RBM19: variants seen among roughly 807,000 people sequenced by gnomAD.
RBM19 encodes the protein probable RNA-binding protein 19.
In RBM19, 94 loss-of-function variants were observed where a neutral mutation model predicts 116.8. The observed-to-expected ratio is 0.80, with a 90% CI of 0.68 to 0.95. RBM19 has a LOEUF of 0.95. Among genes scored for constraint, RBM19 ranks in the 40% least tolerant of loss-of-function variants. The probability of loss-of-function intolerance (pLI) is 0.00; values close to 1 mark genes in which losing one functional copy is unlikely to be tolerated. For missense variants in RBM19, 1,161 were observed against 1,220.7 expected, an observed-to-expected ratio of 0.95 and a Z score of 0.73; for synonymous variants, 475 against 494.1, an observed-to-expected ratio of 0.96 and a Z score of 0.51.
intron 21 of RBM19, among the ~76,000 whole-genome samples, chr12:113,889,691 G>T (rs1375641299): frequency 6.6e-6 from 1 of 150,744 alleles, no homozygotes; most frequent in Non-Finnish European, 1.5e-5. Context: ...AAAACAAAAA[G>T]ACCCCAAAAC....
chr12:113,897,865 T>C (rs895476571), intron 21 of RBM19, among the ~76,000 whole-genome samples: 2 of 152,180 alleles, frequency 1.3e-5, no homozygotes, highest in Non-Finnish European at 2.9e-5. Context: ...TTGACTTCTA[T>C]GATTACCTGA....
At chr12:113,890,579 T>A (rs1223747770) in intron 21 of RBM19, among the ~76,000 whole-genome samples, 1 of 152,150 alleles carries the variant, frequency 6.6e-6, no homozygotes, top group Non-Finnish European at 1.5e-5. Context: ...TCCGAGTGTA[T>A]CGGGGAATGT....
At chr12:113,930,381 G>A (rs1366764837) in intron 16 of RBM19, among the ~76,000 whole-genome samples, 1 of 152,200 alleles carries the variant, frequency 6.6e-6, no homozygotes, top group African/African-American at 2.4e-5. Context: ...CTGGTGTGCT[G>A]CAAAGGGCAT....
Position 113,942,346 on chromosome 12 carries a change from A to AC in RBM19, c.1714dup (p.Val572GlyfsTer121), listed in dbSNP as rs1241373192. The AC allele has an allele frequency of 1.9e-6, 3 of 1,606,934 alleles. No homozygotes were observed. Among genetic ancestry groups the AC allele is most frequent in the Non-Finnish European group, 2.5e-6 (3 of 1,179,812 alleles). On this transcript the variant is annotated frameshift_variant, in exon 14 of 24. Coordinates refer to ENST00000261741, the MANE Select transcript of RBM19 (RefSeq NM_016196.4). LOFTEE classifies it high-confidence loss of function. ...CACCTGGCTGAAGGAATCCAGGCTG[A>AC]CCCCGTTGTCTATGAGAAAACGCCG...
chr12:113,912,940 A>AC (rs1283205452), intron 21 of RBM19, among the ~76,000 whole-genome samples: 1 of 152,168 alleles, frequency 6.6e-6, no homozygotes, highest in East Asian at 1.9e-4. Context: ...GGAGTGAACA[A>AC]CAATAGCAGG....
At chr12:113,845,403 T>A (rs1047215640) in intron 22 of RBM19, among the ~76,000 whole-genome samples, 2 of 152,174 alleles carry the variant, frequency 1.3e-5, no homozygotes, top group African/African-American at 4.8e-5. Context: ...CTCTTTGCTG[T>A]TCCCGACTCC....
intron 21 of RBM19, among the ~76,000 whole-genome samples, chr12:113,905,899 C>A (rs1882009424): frequency 6.6e-6 from 1 of 152,062 alleles, no homozygotes; most frequent in African/African-American, 2.4e-5. Context: ...AGATTAGAAC[C>A]ATAATACAGT....
intron 21 of RBM19, among the ~76,000 whole-genome samples, chr12:113,866,951 C>G (rs11613793): frequency 0.1 from 15,164 of 152,236 alleles, 979 homozygotes; most frequent in Non-Finnish European, 0.15. Context: ...CCTTGGGTAC[C>G]ACGTCCTACA....
At chr12:113,899,675 C>A (rs1436742781) in intron 21 of RBM19, among the ~76,000 whole-genome samples, 1 of 152,162 alleles carries the variant, frequency 6.6e-6, no homozygotes, top group Non-Finnish European at 1.5e-5. Flanking sequence ...TTTGCTAAAC[C>A]GACAAGTTAT....
At chr12:113,911,913 C>T (rs11066811) in intron 21 of RBM19, among the ~76,000 whole-genome samples, 37,838 of 152,110 alleles carry the variant, frequency 0.25, 5,322 homozygotes, top group Middle Eastern at 0.41. Flanking sequence ...AACTGAAGTC[C>T]GAAAAGAGAG....
intron 21 of RBM19, among the ~76,000 whole-genome samples, chr12:113,865,208 C>T (rs1878710587): frequency 6.6e-6 from 1 of 152,206 alleles, no homozygotes; most frequent in Non-Finnish European, 1.5e-5. Flanking sequence ...TCCCTGAACC[C>T]ACCAAACGTA....
intron 6 of RBM19, among the ~76,000 whole-genome samples, chr12:113,955,737 C>G (rs1297117598): frequency 6.6e-6 from 1 of 152,204 alleles, no homozygotes; most frequent in African/African-American, 2.4e-5. Flanking sequence ...AATGCACTTC[C>G]CAGCAAAGCC....
chr12:113,867,358 C>A (rs865826844), intron 21 of RBM19, among the ~76,000 whole-genome samples: 1 of 152,232 alleles, frequency 6.6e-6, no homozygotes, highest in African/African-American at 2.4e-5. Context: ...ATCCTGCAAT[C>A]ATCACCAGGC....
intron 22 of RBM19, among the ~76,000 whole-genome samples, chr12:113,850,908 G>C (rs1341740770): frequency 6.6e-6 from 1 of 152,248 alleles, no homozygotes. Context: ...GGCTGGCACT[G>C]TTGGGGGCTC....
chr12:113,900,023 T>TC (rs1243939072), intron 21 of RBM19, among the ~76,000 whole-genome samples: 2 of 151,862 alleles, frequency 1.3e-5, no homozygotes, highest in Non-Finnish European at 2.9e-5. Flanking sequence ...ATGCCACCCT[T>TC]CCCCCGGTAC....
At chr12:113,855,271 A>G (rs1344287273) in intron 22 of RBM19, among the ~76,000 whole-genome samples, 1 of 149,348 alleles carries the variant, frequency 6.7e-6, no homozygotes, top group African/African-American at 2.4e-5. Flanking sequence ...ATGGGGAAAG[A>G]ACACTGTTCT....
At chr12:113,819,430 G>C (rs1874274311), downstream of RBM19, among the ~76,000 whole-genome samples, 1 of 152,166 alleles carries the variant, frequency 6.6e-6, no homozygotes, top group African/African-American at 2.4e-5. Flanking sequence ...GGCAGGGAAG[G>C]GTCACAGCCC....
intron 21 of RBM19, among the ~76,000 whole-genome samples, chr12:113,912,128 G>A (rs905611740): frequency 1.3e-5 from 2 of 152,202 alleles, no homozygotes; most frequent in Non-Finnish European, 2.9e-5. Context: ...GTGGAAGGCT[G>A]GTGGCCTCCG....
At chr12:113,888,935 G>C (rs952444465) in intron 21 of RBM19, among the ~76,000 whole-genome samples, 2 of 152,218 alleles carry the variant, frequency 1.3e-5, no homozygotes, top group African/African-American at 4.8e-5. Flanking sequence ...CTGCCCCCCT[G>C]AAAGCCTTTG....
Sources: allele counts gnomAD v4.1 joint callset (sites outside exome capture counted in the v4.1 genomes callset), GRCh38; gene constraint gnomAD v4.1.1; transcripts MANE v1.5; gene names NCBI Gene and HGNC (gene_info 2026-07-23, HGNC 2026-07-21).